AGMO: variants seen among roughly 807,000 people sequenced by gnomAD.
The protein encoded by AGMO is glyceryl-ether monooxygenase.
In AGMO, 75 loss-of-function variants were observed where a neutral mutation model predicts 60.2. The observed-to-expected ratio is 1.25, with a 90% CI of 1.03 to 1.51. The LOEUF (loss-of-function observed/expected upper bound fraction) is 1.51, where lower values mean the gene tolerates loss of function less well. Among genes scored for constraint, AGMO ranks in the 40% most tolerant of loss-of-function variants. The pLI, the probability that AGMO is intolerant of heterozygous loss-of-function variation, is 0.00. For missense variants in AGMO, 763 were observed against 525.5 expected (o/e 1.45, Z -4.42); for synonymous variants, 261 against 177.1 (o/e 1.47, Z -3.76).
At chr7:15,413,689 C>T (rs1254119018) in intron 5 of AGMO, among the ~76,000 whole-genome samples, 2 of 151,710 alleles carry the variant, frequency 1.3e-5, no homozygotes, top group Non-Finnish European at 2.9e-5. Context: ...AAAAATGCAA[C>T]AAAGGAATAT....
chr7:15,406,252 C>CAT (rs1554268196), intron 5 of AGMO, among the ~76,000 whole-genome samples: 1 of 141,362 alleles, frequency 7.1e-6, no homozygotes, highest in Non-Finnish European at 1.6e-5. Context: ...CACACACACA[C>CAT]GTATATTCCA....
At chr7:15,190,885 G>T in the AGMO span, among the ~76,000 whole-genome samples, 1 of 151,934 alleles carries the variant, frequency 6.6e-6, no homozygotes, top group African/African-American at 2.4e-5. Flanking sequence ...ACCAGACTGG[G>T]TTTTGAGGCT....
intron 3 of AGMO, among the ~76,000 whole-genome samples, chr7:15,439,093 A>C (rs1024178794): frequency 3.3e-5 from 5 of 152,136 alleles, no homozygotes; most frequent in African/African-American, 1.2e-4. Context: ...CTTCAAAGGG[A>C]TATCTATAGA....
intron 12 of AGMO, among the ~76,000 whole-genome samples, chr7:15,257,575 G>A (rs970914642): frequency 6.6e-6 from 1 of 152,138 alleles, no homozygotes; most frequent in African/African-American, 2.4e-5. Context: ...TTTCCCCTCT[G>A]ATGATTAGAA....
In AGMO at chr7:15,560,177, G is replaced by A. The variant is rs1286629381; in HGVS notation, c.221C>T (p.Thr74Met). The change falls in exon 2 of 13, where the codon ACG becomes ATG. Residue 74 changes from threonine (T) to methionine (M), a missense_variant. By Grantham distance (81) the Thr-to-Met change is moderately conservative (BLOSUM62 -1). Transcript: ENST00000342526. ...AGACAGAACACCAGCTGAGATTGAC[G>A]TTAAAGCATCATCCAGGCGACCTGG... The part of the protein sequence containing the change: ...KPPGRLDDAL[T>M]SISAGVLSRL... The A allele has an allele frequency of 1.3e-5, 21 of 1,612,832 alleles. No individual in the cohort carries two copies. Among genetic ancestry groups the A allele is most frequent in the Non-Finnish European group, 1.5e-5 (18 of 1,179,212 alleles).
At chr7:15,341,182 G>A (rs1234683285) in intron 12 of AGMO, among the ~76,000 whole-genome samples, 2 of 152,136 alleles carry the variant, frequency 1.3e-5, no homozygotes, top group Non-Finnish European at 2.9e-5. Context: ...AATTTCTGCA[G>A]CCTGCTTGAA....
At chr7:15,136,949 C>A in the AGMO span, among the ~76,000 whole-genome samples, 3 of 152,156 alleles carry the variant, frequency 2.0e-5, no homozygotes, top group African/African-American at 7.2e-5. Context: ...GGTTCCATGA[C>A]TTCTTCTCCC....
intron 3 of AGMO, among the ~76,000 whole-genome samples, chr7:15,457,036 T>C (rs1782016622): frequency 6.6e-6 from 1 of 152,192 alleles, no homozygotes; most frequent in Admixed American, 6.5e-5. Flanking sequence ...TATTGTAAAC[T>C]AGGATAATAA....
At position 15,507,329 on chromosome 7, in the gene AGMO, G is replaced by T. The variant is rs115534470; in HGVS notation, c.409+37443C>A. Among the ~76,000 whole-genome samples the T allele has an allele frequency of 2.4e-3, 361 of 152,154 alleles. 2 individuals are homozygous for T. The highest frequency in any genetic ancestry group is 8.3e-3 in the African/African-American group (346 of 41,540). On this transcript the variant is annotated intron_variant, in intron 3 of 12. Coordinates refer to ENST00000342526, the MANE Select transcript of AGMO (RefSeq NM_001004320.2). ...ATTGCAAAAAAAGGAATGCACAACAGTATGACCCCCCTGAGGAAAGAAAAC... is the reference window on the plus strand; with the variant it reads ...ATTGCAAAAAAAGGAATGCACAACATTATGACCCCCCTGAGGAAAGAAAAC...
At chr7:15,532,757 G>A (rs925713856) in intron 3 of AGMO, among the ~76,000 whole-genome samples, 9 of 152,054 alleles carry the variant, frequency 5.9e-5, no homozygotes, top group Non-Finnish European at 7.4e-5. Flanking sequence ...TTGGGAGGCC[G>A]AGGTGAGAGG....
intron 3 of AGMO, among the ~76,000 whole-genome samples, chr7:15,492,535 C>T (rs191217163): frequency 5.1e-4 from 78 of 152,072 alleles, no homozygotes; most frequent in Non-Finnish European, 9.4e-4. Context: ...TGTACCTACA[C>T]TCAAGAGTAC....
intron 12 of AGMO, among the ~76,000 whole-genome samples, chr7:15,229,662 T>C (rs1361995687): frequency 6.8e-6 from 1 of 148,106 alleles, no homozygotes; most frequent in East Asian, 1.9e-4. Context: ...ATAAGAATTA[T>C]GGGAAAATGC....
At chr7:15,196,839 G>A (rs545696106), downstream of AGMO, among the ~76,000 whole-genome samples, 142 of 152,248 alleles carry the variant, frequency 9.3e-4, 2 homozygotes, top group African/African-American at 3.3e-3. Context: ...GGGGTGCCTG[G>A]GTGGTTGAAA....
intron 12 of AGMO, among the ~76,000 whole-genome samples, chr7:15,340,888 G>A (rs996363839): frequency 5.9e-5 from 9 of 152,084 alleles, no homozygotes; most frequent in South Asian, 2.1e-4. Context: ...CACCGTTCTC[G>A]AGACCGCAGA....
At chr7:15,233,242 A>C (rs541349508) in intron 12 of AGMO, among the ~76,000 whole-genome samples, 2 of 152,234 alleles carry the variant, frequency 1.3e-5, no homozygotes, top group African/African-American at 4.8e-5. Context: ...AGATTTATGA[A>C]AAGCATGTTA....
At chr7:15,280,167 G>C (rs565894783) in intron 12 of AGMO, among the ~76,000 whole-genome samples, 2 of 152,192 alleles carry the variant, frequency 1.3e-5, no homozygotes, top group Admixed American at 1.3e-4. Context: ...GAAAGCTGTG[G>C]TTGCTGTCTC....
chr7:15,464,971 G>A (rs1459931150), intron 3 of AGMO, among the ~76,000 whole-genome samples: 1 of 152,176 alleles, frequency 6.6e-6, no homozygotes, highest in Non-Finnish European at 1.5e-5. Context: ...CAGACCAGAA[G>A]TCAATGACTG....
intron 12 of AGMO, among the ~76,000 whole-genome samples, chr7:15,250,955 A>AAT (rs1037010968): frequency 1.4e-4 from 21 of 151,278 alleles, no homozygotes; most frequent in African/African-American, 3.9e-4. Context: ...CAAAAAAAAA[A>AAT]ATATATATAT....
the AGMO span, among the ~76,000 whole-genome samples, chr7:15,140,618 A>G: frequency 6.6e-6 from 1 of 152,092 alleles, no homozygotes; most frequent in Non-Finnish European, 1.5e-5. Flanking sequence ...TTCTTCAGAT[A>G]ATATTTTCTA....
Sources: allele counts gnomAD v4.1 joint callset (sites outside exome capture counted in the v4.1 genomes callset), GRCh38; gene constraint gnomAD v4.1.1; transcripts MANE v1.5; gene names NCBI Gene and HGNC (gene_info 2026-07-23, HGNC 2026-07-21).